ROBO2: variants seen among roughly 807,000 people sequenced by gnomAD.
ROBO2 encodes the protein roundabout homolog 2.
Under a neutral mutation model 160.8 loss-of-function variants are expected in ROBO2, and 53 were observed. That is an observed-to-expected ratio of 0.33 (90% confidence interval 0.26 to 0.41). ROBO2 has a LOEUF of 0.41. Among genes scored for constraint, ROBO2 ranks in the 10% least tolerant of loss-of-function variants. ROBO2 has a pLI of 1.00. For synonymous variants in ROBO2, 664 were observed against 611.7 expected (o/e 1.09, Z -1.26); for missense variants, 1,577 against 1,722.4 (o/e 0.92, Z 1.49).
chr3:76,315,065 G>T (rs947690889), intron 2 of ROBO2, among the ~76,000 whole-genome samples: 7 of 151,450 alleles, frequency 4.6e-5, no homozygotes. Context: ...TCAAAACGTT[G>T]ACCCCTTGGT....
intron 2 of ROBO2, among the ~76,000 whole-genome samples, chr3:77,334,180 G>A (rs765737367): frequency 2.8e-4 from 42 of 152,286 alleles, no homozygotes; most frequent in Non-Finnish European, 5.9e-4. Context: ...TAAGCTGTAC[G>A]TGGATTAGGT....
In ROBO2 at chr3:77,599,404, T is replaced by G. The variant is rs1416565711; in HGVS notation, c.2854+2654T>G. 3.3e-5 allele frequency among the ~76,000 whole-genome samples: 5 copies of G among 149,892 alleles called. No individual in the cohort carries two copies. The East Asian group carries it at 1.0e-3, about 30-fold the overall frequency. The stretch of plus-strand genomic sequence containing the variant: ...AAGAATAAGAATGGATACTGACATT[T>G]TCCCACACCACATGTTCTCACTCAT... On this transcript the variant is annotated intron_variant, in intron 19 of 25. Coordinates refer to ENST00000461745, the Ensembl canonical transcript of ROBO2.
chr3:77,557,198 G>A (rs2093153288), intron 8 of ROBO2, among the ~76,000 whole-genome samples: 1 of 151,834 alleles, frequency 6.6e-6, no homozygotes, highest in South Asian at 2.1e-4. Flanking sequence ...TAGAAATTAT[G>A]GAAAATTTAT....
At chr3:77,597,532 G>A (rs997857886) in intron 19 of ROBO2, among the ~76,000 whole-genome samples, 1 of 152,058 alleles carries the variant, frequency 6.6e-6, no homozygotes, top group African/African-American at 2.4e-5. Flanking sequence ...ATCTCAGTGT[G>A]GCTTGGCAGG....
intron 2 of ROBO2, among the ~76,000 whole-genome samples, chr3:77,356,175 C>G (rs1250683335): frequency 6.6e-6 from 1 of 152,066 alleles, no homozygotes; most frequent in African/African-American, 2.4e-5. Flanking sequence ...TGAGCTAGAT[C>G]TGTATTAAAA....
intron 2 of ROBO2, among the ~76,000 whole-genome samples, chr3:77,176,978 A>G (rs768140991): frequency 3.3e-5 from 5 of 151,998 alleles, no homozygotes; most frequent in Admixed American, 6.6e-5. Context: ...TTTTCTTTAA[A>G]GAATCTGTAG....
intron 2 of ROBO2, among the ~76,000 whole-genome samples, chr3:76,339,620 A>G (rs1272163239): frequency 2.0e-5 from 3 of 152,048 alleles, no homozygotes; most frequent in African/African-American, 7.2e-5. Flanking sequence ...ACTCATCATG[A>G]TTATTCTCCT....
chr3:76,132,974 C>G (rs2071286076), intron 2 of ROBO2, among the ~76,000 whole-genome samples: 1 of 152,114 alleles, frequency 6.6e-6, no homozygotes, highest in Non-Finnish European at 1.5e-5. Flanking sequence ...GTTCCCTCAT[C>G]TATAAAGTGG....
In ROBO2 at chr3:77,538,443, C is replaced by G. The variant is rs539496269; in HGVS notation, c.935-7895C>G. ...CTGCCCGCCTTGGTCTCCCAAAGTG[C>G]TGGGATTACAGGCGTGAGCCACCAC... On this transcript the variant is annotated intron_variant, in intron 6 of 25. Transcript: ENST00000461745. Among the ~76,000 whole-genome samples, 31 of 152,114 alleles carry G rather than the reference C, an allele frequency of 2.0e-4. No homozygotes were observed. In the East Asian group the frequency reaches 6.0e-3, roughly 30 times the overall value.
At position 76,854,012 on chromosome 3, in the gene ROBO2, T is replaced by C. The variant is rs1487964049; in HGVS notation, c.110-244002T>C. ...ATAGATAAATGGACAGCCAAAAGCA[T>C]AGACTTTCTCTCTCTCTCTCTCTCT... On this transcript the variant is annotated intron_variant, in intron 2 of 26. Transcript: ENST00000487694. Among the ~76,000 whole-genome samples the C allele has an allele frequency of 1.0e-4, 14 of 139,906 alleles. No homozygotes were observed. In the South Asian group the frequency reaches 2.4e-3, roughly 24 times the overall value. The allele number at this position is 139,906 out of a possible 152,430, so 91.8% of individuals were successfully genotyped here.
At chr3:76,014,048 GGTGGCTGGGTACAGTGGCTTAT>G (rs2066309253) in intron 2 of ROBO2, among the ~76,000 whole-genome samples, 2 of 151,530 alleles carry the variant, frequency 1.3e-5, no homozygotes, top group Middle Eastern at 3.5e-3. Flanking sequence ...AAAGGCAATT[GGTGGCTGGGTACAGTGGCTTAT>G]GCGTGTAATC....
In ROBO2 at chr3:77,220,517, T is replaced by G. The variant is rs1034387601; in HGVS notation, c.388+122177T>G. On this transcript the variant is annotated intron_variant, in intron 2 of 25. Coordinates refer to ENST00000461745, the Ensembl canonical transcript of ROBO2. ...TCATTTTTTATACGAATAAAATATTTAAATATTATAATCTCTATTATTTTA... is the reference window on the plus strand; with the variant it reads ...TCATTTTTTATACGAATAAAATATTGAAATATTATAATCTCTATTATTTTA... Among the ~76,000 whole-genome samples, 6 of 152,146 alleles carry G rather than the reference T, an allele frequency of 3.9e-5. No homozygotes were observed. The South Asian group carries it at 1.2e-3, about 32-fold the overall frequency.
intron 2 of ROBO2, among the ~76,000 whole-genome samples, chr3:76,196,710 A>G (rs888611077): frequency 3.9e-5 from 6 of 152,148 alleles, no homozygotes; most frequent in Admixed American, 6.6e-5. Context: ...ATTGGAGATT[A>G]TATTATATAA....
chr3:76,138,640 C>A (rs1162958865), intron 2 of ROBO2, among the ~76,000 whole-genome samples: 3 of 151,972 alleles, frequency 2.0e-5, no homozygotes, highest in African/African-American at 7.2e-5. Context: ...AGACATGGGA[C>A]AATGAGACAT....
intron 2 of ROBO2, among the ~76,000 whole-genome samples, chr3:76,472,774 A>AG (rs1256823776): frequency 1.3e-5 from 2 of 152,198 alleles, no homozygotes; most frequent in African/African-American, 2.4e-5. Flanking sequence ...TTAAGGTCAC[A>AG]AGTCAGTGTT....
intron 2 of ROBO2, among the ~76,000 whole-genome samples, chr3:76,882,091 T>C (rs999319690): frequency 1.7e-4 from 18 of 107,492 alleles, no homozygotes; most frequent in Non-Finnish European, 3.4e-4. Flanking sequence ...GTTGGTTGTG[T>C]GTGTGTGTGT....
chr3:77,643,999 A>C (rs2095384328), intron 24 of ROBO2, among the ~76,000 whole-genome samples: 1 of 152,170 alleles, frequency 6.6e-6, no homozygotes, highest in African/African-American at 2.4e-5. Context: ...CGTGAAAGAC[A>C]GAGGGGATGG....
intron 2 of ROBO2, among the ~76,000 whole-genome samples, chr3:76,390,774 C>T (rs2077111450): frequency 6.6e-6 from 1 of 152,132 alleles, no homozygotes; most frequent in Non-Finnish European, 1.5e-5. Context: ...GGTCTTGCCC[C>T]TCCTTGTGTT....
At chr3:77,560,145 T>A (rs2093273851) in intron 9 of ROBO2, among the ~76,000 whole-genome samples, 1 of 152,072 alleles carries the variant, frequency 6.6e-6, no homozygotes, top group African/African-American at 2.4e-5. Flanking sequence ...AGGTGGGTGC[T>A]TGATGATGTC....
Sources: gnomAD v4.1 joint callset for allele counts (sites outside exome capture counted in the v4.1 genomes callset) on GRCh38, gnomAD v4.1.1 for gene constraint, MANE v1.5 for transcripts, NCBI Gene and HGNC (gene_info 2026-07-23, HGNC 2026-07-21) for gene names.